Variants in GALNT13 observed in about 807,000 individuals in gnomAD.
GALNT13 encodes the protein polypeptide N-acetylgalactosaminyltransferase 13, also known as UDP-GalNAc:polypeptide N-acetylgalactosaminyltransferase 13.
In GALNT13, 28 loss-of-function variants were observed where a neutral mutation model predicts 64.2. The observed-to-expected ratio is 0.44, with a 90% CI of 0.32 to 0.60. The LOEUF (loss-of-function observed/expected upper bound fraction) is 0.60, where lower values mean the gene tolerates loss of function less well. Ranked by LOEUF, GALNT13 falls within the 20% of genes least tolerant of loss-of-function variation. GALNT13 has a pLI of 0.05. For synonymous variants in GALNT13, 214 were observed against 224.6 expected (o/e 0.95, Z 0.42); for missense variants, 577 against 669.8 (o/e 0.86, Z 1.53).
intron 4 of GALNT13, among the ~76,000 whole-genome samples, chr2:154,179,602 G>T (rs2105725759): frequency 6.6e-6 from 1 of 152,160 alleles, no homozygotes; most frequent in African/African-American, 2.4e-5. Context: ...GAGTATTAAA[G>T]AACTTTACTA....
chr2:153,540,821 A>G, the GALNT13 span, among the ~76,000 whole-genome samples: 2 of 152,158 alleles, frequency 1.3e-5, no homozygotes, highest in East Asian at 3.9e-4. Context: ...GAATGTGTGT[A>G]TTTACCCAAT....
At chr2:153,256,606 T>G in the GALNT13 span, among the ~76,000 whole-genome samples, 1 of 152,288 alleles carries the variant, frequency 6.6e-6, no homozygotes, top group East Asian at 1.9e-4. Flanking sequence ...TTTTATCTAC[T>G]TTTGGTCTTT....
chr2:153,541,824 T>C, the GALNT13 span, among the ~76,000 whole-genome samples: 2 of 152,192 alleles, frequency 1.3e-5, no homozygotes, highest in African/African-American at 4.8e-5. Context: ...AACATAAGCA[T>C]AAAAATGGAC....
At chr2:153,644,650 C>A in the GALNT13 span, among the ~76,000 whole-genome samples, 1 of 152,156 alleles carries the variant, frequency 6.6e-6, no homozygotes, top group African/African-American at 2.4e-5. Context: ...CTCCACCTAC[C>A]TCTACCCCTT....
chr2:153,889,263 T>C (rs2105262872), intron 1 of GALNT13, among the ~76,000 whole-genome samples: 1 of 152,082 alleles, frequency 6.6e-6, no homozygotes, highest in African/African-American at 2.4e-5. Flanking sequence ...CTAGAGTTTA[T>C]TTTGACCTGA....
intron 9 of GALNT13, among the ~76,000 whole-genome samples, chr2:154,322,518 AT>A (rs1457717180): frequency 1.3e-5 from 2 of 152,110 alleles, no homozygotes; most frequent in South Asian, 4.1e-4. Flanking sequence ...TAAACTACAT[AT>A]CAGTGGCAGC....
the GALNT13 span, among the ~76,000 whole-genome samples, chr2:153,281,275 C>G: frequency 6.6e-6 from 1 of 150,782 alleles, no homozygotes; most frequent in Admixed American, 6.6e-5. Context: ...AGTGTTGTTA[C>G]ATGTAAGATG....
At chr2:153,428,168 A>C in the GALNT13 span, among the ~76,000 whole-genome samples, 2 of 152,154 alleles carry the variant, frequency 1.3e-5, no homozygotes, top group Non-Finnish European at 2.9e-5. Flanking sequence ...GATGAATGCT[A>C]TGTTAGTCCA....
At chr2:153,768,546 C>T in the GALNT13 span, among the ~76,000 whole-genome samples, 3 of 152,156 alleles carry the variant, frequency 2.0e-5, no homozygotes, top group South Asian at 2.1e-4. Flanking sequence ...TTATATAATG[C>T]ATTCTTTGGT....
chr2:153,780,715 C>T, the GALNT13 span, among the ~76,000 whole-genome samples: 4 of 151,948 alleles, frequency 2.6e-5, 1 homozygote, highest in Middle Eastern at 0.01. Context: ...GGAGATATGC[C>T]CCCAAATATA....
chr2:153,070,441 G>A, the GALNT13 span, among the ~76,000 whole-genome samples: 3 of 152,128 alleles, frequency 2.0e-5, no homozygotes, highest in African/African-American at 4.8e-5. Context: ...ACAACACAGG[G>A]TGAAACCTAA....
chr2:153,827,889 A>G, the GALNT13 span, among the ~76,000 whole-genome samples: 1 of 152,234 alleles, frequency 6.6e-6, no homozygotes, highest in Non-Finnish European at 1.5e-5. Flanking sequence ...CAATGGGTGT[A>G]CAGGCATTGG....
chr2:154,357,307 A>G (rs1301871804), intron 9 of GALNT13, among the ~76,000 whole-genome samples: 1 of 152,034 alleles, frequency 6.6e-6, no homozygotes, highest in Non-Finnish European at 1.5e-5. Context: ...TTACTGCTAT[A>G]TTTTGTAATT....
chr2:153,349,218 CA>C, the GALNT13 span, among the ~76,000 whole-genome samples: 10 of 151,292 alleles, frequency 6.6e-5, no homozygotes, highest in East Asian at 1.9e-4. Context: ...AAACAAAAAA[CA>C]AAAAAAACCC....
At chr2:153,186,097 C>A in the GALNT13 span, among the ~76,000 whole-genome samples, 2 of 151,914 alleles carry the variant, frequency 1.3e-5, no homozygotes, top group Admixed American at 6.6e-5. Context: ...GAGTCTGAGT[C>A]TCTTTGTAGG....
At chr2:153,593,694 CT>C in the GALNT13 span, among the ~76,000 whole-genome samples, 2 of 152,092 alleles carry the variant, frequency 1.3e-5, no homozygotes, top group Non-Finnish European at 2.9e-5. Context: ...AATCACATCT[CT>C]TTTTCTTACA....
At chr2:154,049,933 T>C (rs1341004716) in intron 3 of GALNT13, among the ~76,000 whole-genome samples, 1 of 152,140 alleles carries the variant, frequency 6.6e-6, no homozygotes, top group Non-Finnish European at 1.5e-5. Context: ...TACCAGCAAG[T>C]CCTTCCAAAA....
At chr2:154,269,926 T>TATA (rs1356571076) in intron 8 of GALNT13, among the ~76,000 whole-genome samples, 2 of 33,342 alleles carry the variant, frequency 6.0e-5, no homozygotes, top group East Asian at 1.5e-3. Flanking sequence ...ATATATATAT[T>TATA]TCTAAAGCAC....
At chr2:153,252,963 G>A in the GALNT13 span, among the ~76,000 whole-genome samples, 1 of 151,722 alleles carries the variant, frequency 6.6e-6, no homozygotes, top group Non-Finnish European at 1.5e-5. Flanking sequence ...GCTCTTTTTT[G>A]GTTCCATATG....
Sources: gnomAD v4.1 joint callset for allele counts (sites outside exome capture counted in the v4.1 genomes callset) on GRCh38, gnomAD v4.1.1 for gene constraint, MANE v1.5 for transcripts, NCBI Gene and HGNC (gene_info 2026-07-23, HGNC 2026-07-21) for gene names.